Variants in ASTN2 observed in about 807,000 individuals in gnomAD.
ASTN2 encodes astrotactin 2.
ASTN2 carries 54 observed loss-of-function variants against 139.8 expected under a neutral mutation model. That is an observed-to-expected ratio of 0.39 (90% CI 0.31 to 0.48). ASTN2 has a LOEUF of 0.48. Among genes scored for constraint, ASTN2 ranks in the 20% least tolerant of loss-of-function variants. The pLI is 0.95. For missense variants in ASTN2, 1,565 were observed against 1,725.1 expected, an observed-to-expected ratio of 0.91 and a Z score of 1.64; for synonymous variants, 756 against 719.5, an observed-to-expected ratio of 1.05 and a Z score of -0.81.
Position 117,160,869 on chromosome 9 carries a change from A to T in ASTN2, c.1016-19391T>A, listed in dbSNP as rs531317059. Among the ~76,000 whole-genome samples the T allele has an allele frequency of 8.5e-5, 13 of 152,172 alleles. No homozygotes were observed. The South Asian group carries it at 2.3e-3, about 27-fold the overall frequency. ...AAGGTTTTGTGAGAGACACAGTGGG[A>T]TGATGAAGATCATAATGGGAAGAGA... is the stretch of plus-strand genomic sequence containing the variant. On this transcript the variant is annotated intron_variant, in intron 3 of 22. Transcript: ENST00000313400.
At chr9:117,152,282 A>G (rs1830341827) in intron 3 of ASTN2, among the ~76,000 whole-genome samples, 2 of 152,188 alleles carry the variant, frequency 1.3e-5, no homozygotes, top group African/African-American at 4.8e-5. Flanking sequence ...TCAAAGCTCA[A>G]TAAATACTAA....
chr9:116,626,642 C>T (rs1278169056), intron 17 of ASTN2, among the ~76,000 whole-genome samples: 1 of 151,872 alleles, frequency 6.6e-6, no homozygotes, highest in African/African-American at 2.4e-5. Context: ...GGGTTGATAC[C>T]TTTTTTGTCC....
chr9:117,310,259 C>T (rs2130813793), intron 1 of ASTN2, among the ~76,000 whole-genome samples: 1 of 152,258 alleles, frequency 6.6e-6, no homozygotes, highest in South Asian at 2.1e-4. Flanking sequence ...AATCCTATAG[C>T]CCCAGGGGTG....
intron 6 of ASTN2, among the ~76,000 whole-genome samples, chr9:117,016,744 T>C (rs1251641108): frequency 6.9e-6 from 1 of 145,176 alleles, no homozygotes; most frequent in Non-Finnish European, 1.5e-5. Context: ...ATAGGTTATA[T>C]ATAGGTTTTA....
chr9:116,564,674 T>C (rs913878751), intron 19 of ASTN2, among the ~76,000 whole-genome samples: 15 of 152,354 alleles, frequency 9.8e-5, no homozygotes, highest in Admixed American at 8.5e-4. Flanking sequence ...CCAGTGCTTG[T>C]GAAAGGATTC....
At chr9:116,740,692 T>C (rs2132137324) in intron 13 of ASTN2, among the ~76,000 whole-genome samples, 1 of 151,992 alleles carries the variant, frequency 6.6e-6, no homozygotes, top group African/African-American at 2.4e-5. Flanking sequence ...TTTTAATTTT[T>C]TTTAGTAGAG....
At chr9:117,150,380 G>A (rs992488637) in intron 3 of ASTN2, among the ~76,000 whole-genome samples, 5 of 152,196 alleles carry the variant, frequency 3.3e-5, no homozygotes, top group African/African-American at 1.2e-4. Context: ...GAAAGGTAAT[G>A]GACATCCCAA....
chr9:116,657,287 A>AGTTATT (rs1470638598), intron 16 of ASTN2, among the ~76,000 whole-genome samples: 4 of 152,020 alleles, frequency 2.6e-5, no homozygotes, highest in Non-Finnish European at 4.4e-5. Flanking sequence ...AACCTAAAAG[A>AGTTATT]GTTATTGTGA....
intron 7 of ASTN2, among the ~76,000 whole-genome samples, chr9:116,992,595 C>A (rs894989096): frequency 2.6e-5 from 4 of 152,168 alleles, no homozygotes; most frequent in African/African-American, 9.7e-5. Context: ...TCTATTCACC[C>A]TCTCACTTGT....
intron 22 of ASTN2, 88 bp downstream of exon 22, chr9:116,440,521 C>A: frequency 7.9e-7 from 1 of 1,264,504 alleles, no homozygotes; most frequent in South Asian, 1.4e-5. Flanking sequence ...TTGATAAAGC[C>A]TAGTCTCAGC....
chr9:117,140,138 G>A (rs1025207825), intron 4 of ASTN2, among the ~76,000 whole-genome samples: 22 of 152,304 alleles, frequency 1.4e-4, no homozygotes, highest in Non-Finnish European at 2.4e-4. Flanking sequence ...CATTTAAGCT[G>A]TTTCTTGGAA....
chr9:117,225,044 T>G (rs1832657288), intron 2 of ASTN2, among the ~76,000 whole-genome samples: 1 of 152,178 alleles, frequency 6.6e-6, no homozygotes, highest in African/African-American at 2.4e-5. Flanking sequence ...TTTATTGTAT[T>G]TCTACACTGA....
At chr9:117,348,982 G>A (rs1178432009) in intron 1 of ASTN2, among the ~76,000 whole-genome samples, 2 of 152,112 alleles carry the variant, frequency 1.3e-5, no homozygotes, top group African/African-American at 4.8e-5. Context: ...AAAGGTGGAG[G>A]AAAGTCAAAA....
chr9:117,280,892 T>C (rs7026789), intron 2 of ASTN2, among the ~76,000 whole-genome samples: 35,990 of 152,066 alleles, frequency 0.24, 5,413 homozygotes, highest in Non-Finnish European at 0.33. Flanking sequence ...TTAATTTTAG[T>C]ATACATCAGT....
At chr9:116,441,535 G>A (rs1200940929) in intron 21 of ASTN2, among the ~76,000 whole-genome samples, 5 of 151,684 alleles carry the variant, frequency 3.3e-5, no homozygotes, top group East Asian at 3.9e-4. Context: ...GACAGTGGAC[G>A]TGTTATTTTA....
At chr9:116,771,126 C>G (rs1004454134) in intron 13 of ASTN2, among the ~76,000 whole-genome samples, 1 of 152,234 alleles carries the variant, frequency 6.6e-6, no homozygotes, top group African/African-American at 2.4e-5. Context: ...TCAACTCAGA[C>G]ATCATCTCTT....
chr9:116,880,951 C>T (rs1366329895), intron 10 of ASTN2, among the ~76,000 whole-genome samples: 1 of 152,208 alleles, frequency 6.6e-6, no homozygotes, highest in Non-Finnish European at 1.5e-5. Context: ...ATAAAGACGT[C>T]ATGAGGTCCT....
intron 19 of ASTN2, among the ~76,000 whole-genome samples, chr9:116,563,382 TAAAAATAAAA>T (rs1564118488): frequency 2.0e-5 from 3 of 147,738 alleles, no homozygotes; most frequent in Non-Finnish European, 1.5e-5. Context: ...CTCAAAAAAA[TAAAAATAAAA>T]ATAAAAATAA....
chr9:117,226,837 C>G (rs1832729479), intron 2 of ASTN2, among the ~76,000 whole-genome samples: 1 of 152,158 alleles, frequency 6.6e-6, no homozygotes, highest in Non-Finnish European at 1.5e-5. Context: ...GAAGAGCCTT[C>G]ATCCTTTGCT....
Sources: gnomAD v4.1 joint callset for allele counts (sites outside exome capture counted in the v4.1 genomes callset) on GRCh38, gnomAD v4.1.1 for gene constraint, MANE v1.5 for transcripts, NCBI Gene and HGNC (gene_info 2026-07-23, HGNC 2026-07-21) for gene names.